PFKP: variants seen among roughly 807,000 people sequenced by gnomAD.
PFKP encodes the protein ATP-dependent 6-phosphofructokinase, platelet type.
PFKP carries 101 observed loss-of-function variants against 94.3 expected under a neutral mutation model. The ratio of observed to expected loss-of-function variants is 1.07; its 90% CI spans 0.91 to 1.26. The LOEUF (loss-of-function observed/expected upper bound fraction) is 1.26. PFKP is among the 50% of genes most tolerant of loss of function. The pLI is 0.00. For synonymous variants in PFKP, 573 were observed against 432.6 expected (o/e 1.32, Z -4.03); for missense variants, 1,145 against 1,103.3 (o/e 1.04, Z -0.53).
chr10:3,105,575 C>T (rs886827554), intron 7 of PFKP, 74 bp downstream of exon 7: 59 of 1,082,712 alleles, frequency 5.4e-5, no homozygotes, highest in African/African-American at 2.2e-4. Flanking sequence ...CCAAGTGGGA[C>T]GGCATTTTAA....
intron 2 of PFKP, among the ~76,000 whole-genome samples, chr10:3,084,702 AG>A (rs1833355507): frequency 1.5e-5 from 1 of 67,200 alleles, no homozygotes; most frequent in African/African-American, 5.3e-5. Context: ...ACAGTCCTCC[AG>A]CCCCTCCCCA....
At chr10:3,090,838 T>C (rs1833992016) in intron 2 of PFKP, among the ~76,000 whole-genome samples, 1 of 152,174 alleles carries the variant, frequency 6.6e-6, no homozygotes, top group South Asian at 2.1e-4. Flanking sequence ...TATGTTTTAT[T>C]TTTTTAAGGA....
chr10:3,088,165 G>T (rs1325298910), intron 2 of PFKP, among the ~76,000 whole-genome samples: 7 of 110,070 alleles, frequency 6.4e-5, no homozygotes, highest in Non-Finnish European at 1.0e-4. Context: ...CCCACAACAG[G>T]CCCCGGTGTG....
chr10:3,135,015 C>CTGCATGTTT (rs1409759654), intron 20 of PFKP, among the ~76,000 whole-genome samples: 1 of 151,568 alleles, frequency 6.6e-6, no homozygotes, highest in Admixed American at 6.5e-5. Context: ...ACTGCATGTT[C>CTGCATGTTT]GTAGAACTGT....
intron 3 of PFKP, among the ~76,000 whole-genome samples, chr10:3,100,108 G>C (rs1349902814): frequency 6.7e-6 from 1 of 149,362 alleles, no homozygotes; most frequent in Non-Finnish European, 1.5e-5. Context: ...TGAGAGAATG[G>C]GAATGGCACC....
chr10:3,133,804 T>C (rs527299507), intron 19 of PFKP, among the ~76,000 whole-genome samples: 52 of 152,308 alleles, frequency 3.4e-4, no homozygotes, highest in South Asian at 1.2e-3. Context: ...GTTTGAGTAA[T>C]GGGGATTTTA....
At chr10:3,107,837 A>G in intron 8 of PFKP, 1 of 1,269,486 alleles carries the variant, frequency 7.9e-7, no homozygotes. Flanking sequence ...TGCTCAGGCC[A>G]GTGCCTGCCT....
intron 2 of PFKP, among the ~76,000 whole-genome samples, chr10:3,091,574 G>C (rs1004431918): frequency 6.6e-6 from 1 of 152,114 alleles, no homozygotes; most frequent in Non-Finnish European, 1.5e-5. Context: ...CAGTACTTTG[G>C]GAGGCTGAGG....
intron 10 of PFKP, among the ~76,000 whole-genome samples, chr10:3,110,637 T>C (rs1351705038): frequency 6.6e-6 from 1 of 152,160 alleles, no homozygotes; most frequent in Non-Finnish European, 1.5e-5. Flanking sequence ...CTTGTAAACA[T>C]AATTTCCAAA....
At chr10:3,104,999 C>T (rs1246950849) in intron 5 of PFKP, 116 bp from the exon 6 acceptor site, 8 of 949,014 alleles carry the variant, frequency 8.4e-6, no homozygotes, top group Middle Eastern at 2.1e-4. Flanking sequence ...CTGGCTAACT[C>T]GGCTGTCAAA....
At chr10:3,072,009 G>A (rs189504654) in intron 1 of PFKP, among the ~76,000 whole-genome samples, 2 of 152,314 alleles carry the variant, frequency 1.3e-5, no homozygotes, top group East Asian at 1.9e-4. Flanking sequence ...GCGTACCTGC[G>A]TCTTCACTGG....
chr10:3,133,434 A>C (rs945484226), intron 19 of PFKP, 120 bp downstream of exon 19: 10 of 728,380 alleles, frequency 1.4e-5, no homozygotes, highest in Non-Finnish European at 2.4e-5. Context: ...ATGATAAAAA[A>C]CATCTGAACT....
chr10:3,076,651 G>C (rs1280116711), intron 1 of PFKP, among the ~76,000 whole-genome samples: 1 of 152,052 alleles, frequency 6.6e-6, no homozygotes, highest in Non-Finnish European at 1.5e-5. Flanking sequence ...GGTCTCTCCT[G>C]ATCGGAACAA....
intron 14 of PFKP, 108 bp from the exon 15 acceptor site, chr10:3,118,674 T>C: frequency 1.4e-6 from 1 of 703,074 alleles, no homozygotes; most frequent in Admixed American, 2.5e-5. Flanking sequence ...CGCTCCTTAA[T>C]TAAAACCACA....
rs185152561 is a variant in PFKP at position 3,134,615 on chromosome 10, G to A, written c.2122+33G>A. ...GTCTGGGGAGGGAGGCCACAGCCTC[G>A]TGATGCAGGCCGTCCTGCCTTGGTG... On this transcript the variant is annotated intron_variant, in intron 20 of 21. Transcript: ENST00000381125. 1.7e-4 allele frequency: 231 copies of A among 1,367,496 alleles called. 2 individuals carry two copies. The East Asian group carries it at 2.7e-3, about 16-fold the overall frequency. 84.7% of individuals were successfully genotyped at this position (1,367,496 alleles called of 1,614,324 possible).
chr10:3,105,004 G>C (rs966426986), intron 5 of PFKP, 111 bp from the exon 6 acceptor site: 7 of 1,049,160 alleles, frequency 6.7e-6, no homozygotes, highest in Middle Eastern at 4.0e-4. Flanking sequence ...TAACTCGGCT[G>C]TCAAAGCCCC....
chr10:3,090,021 A>G (rs1307926793), intron 2 of PFKP, among the ~76,000 whole-genome samples: 2 of 152,088 alleles, frequency 1.3e-5, no homozygotes, highest in Non-Finnish European at 2.9e-5. Flanking sequence ...TGCCTGGCTT[A>G]TTTCACCTAA....
At chr10:3,092,928 ATGGGGGTGG>A (rs1276264384) in intron 2 of PFKP, among the ~76,000 whole-genome samples, 1 of 148,906 alleles carries the variant, frequency 6.7e-6, no homozygotes, top group African/African-American at 2.5e-5. Context: ...GGATGTGTAG[ATGGGGGTGG>A]CCACGGAAGC....
At chr10:3,108,642 G>T in intron 8 of PFKP, 59 bp from the exon 9 acceptor site, 4 of 1,300,410 alleles carry the variant, frequency 3.1e-6, no homozygotes, top group Non-Finnish European at 4.5e-6. Flanking sequence ...CCTCCTTCCA[G>T]ATCTGGGCTG....
Sources: allele counts gnomAD v4.1 joint callset (sites outside exome capture counted in the v4.1 genomes callset), GRCh38; gene constraint gnomAD v4.1.1; transcripts MANE v1.5; gene names NCBI Gene and HGNC (gene_info 2026-07-23, HGNC 2026-07-21).